Variants in LRRC37A2 observed in about 807,000 individuals in gnomAD.
LRRC37A2 encodes leucine-rich repeat-containing protein 37A2.
A neutral mutation model predicts 68.8 loss-of-function variants in LRRC37A2; 9 were observed. The ratio of observed to expected loss-of-function variants is 0.13; its 90% CI spans 0.08 to 0.23. The LOEUF is 0.23. LRRC37A2 is among the 10% of genes least tolerant of loss of function. LRRC37A2 has a pLI of 1.00. For synonymous variants in LRRC37A2, 63 were observed against 367.6 expected, an observed-to-expected ratio of 0.17 and a Z score of 9.48; for missense variants, 168 against 950.4, an observed-to-expected ratio of 0.18 and a Z score of 10.82.
At chr17:46,756,929 A>G in the LRRC37A2 span, 1 of 152,556 alleles carries the variant, frequency 6.6e-6, no homozygotes, top group African/African-American at 2.4e-5. Flanking sequence ...TTGTCTTACA[A>G]CTGACTGACT....
the LRRC37A2 span, among the ~76,000 whole-genome samples, chr17:46,822,771 G>C: frequency 1.3e-5 from 2 of 152,142 alleles, no homozygotes; most frequent in Non-Finnish European, 2.9e-5. Flanking sequence ...AGCGGGCCCA[G>C]GTGATGCCGG....
the LRRC37A2 span, among the ~76,000 whole-genome samples, chr17:46,856,057 T>A: frequency 6.6e-6 from 1 of 152,224 alleles, no homozygotes; most frequent in Admixed American, 6.5e-5. Flanking sequence ...TGCAAGTTTT[T>A]AAATCATAAT....
the LRRC37A2 span, among the ~76,000 whole-genome samples, chr17:47,039,288 C>T: frequency 8.1e-6 from 1 of 123,988 alleles, no homozygotes; most frequent in South Asian, 3.1e-4. Context: ...TCGTTGCAGC[C>T]TCCACTTCCC....
chr17:47,014,364 T>G, the LRRC37A2 span, among the ~76,000 whole-genome samples: 1 of 143,872 alleles, frequency 7.0e-6, no homozygotes, highest in Admixed American at 7.2e-5. Flanking sequence ...CACTCCAGCC[T>G]GGATGACAGA....
At chr17:46,867,045 A>G in the LRRC37A2 span, among the ~76,000 whole-genome samples, 1 of 152,184 alleles carries the variant, frequency 6.6e-6, no homozygotes. Flanking sequence ...TGGTACCAGG[A>G]GTTCTGATCT....
chr17:46,876,328 C>T, the LRRC37A2 span: 1 of 1,614,182 alleles, frequency 6.2e-7, no homozygotes. Context: ...GGAAGCAGCT[C>T]TCCCCGTTCC....
chr17:47,000,089 A>AAT, the LRRC37A2 span, among the ~76,000 whole-genome samples: 2 of 63,888 alleles, frequency 3.1e-5, no homozygotes, highest in African/African-American at 5.0e-5. Context: ...AATAAAATAA[A>AAT]ATAAAATAAA....
At chr17:46,468,211 TCAAA>T in the LRRC37A2 span, among the ~76,000 whole-genome samples, 1 of 75,170 alleles carries the variant, frequency 1.3e-5, no homozygotes, top group Non-Finnish European at 3.5e-5. Flanking sequence ...GATCATTTAA[TCAAA>T]CAGTGTTCGT....
chr17:46,851,317 G>A, the LRRC37A2 span, among the ~76,000 whole-genome samples: 7 of 151,866 alleles, frequency 4.6e-5, no homozygotes, highest in African/African-American at 7.2e-5. The surrounding 1 kb of genome is among the most constrained non-coding windows in gnomAD (Gnocchi z 4.3). Flanking sequence ...CAGGCCCGGG[G>A]GGCTTCACGT....
the LRRC37A2 span, among the ~76,000 whole-genome samples, chr17:46,799,810 A>G: frequency 6.6e-6 from 1 of 152,102 alleles, no homozygotes; most frequent in Non-Finnish European, 1.5e-5. Context: ...TTTTATTCCC[A>G]TTATACAGAG....
chr17:46,810,555 T>A, the LRRC37A2 span, among the ~76,000 whole-genome samples: 1 of 152,146 alleles, frequency 6.6e-6, no homozygotes, highest in East Asian at 1.9e-4. Flanking sequence ...CAGGTGGTCG[T>A]GTTATTATCA....
At chr17:46,723,840 T>C in the LRRC37A2 span, among the ~76,000 whole-genome samples, 3 of 152,250 alleles carry the variant, frequency 2.0e-5, no homozygotes, top group African/African-American at 7.2e-5. Context: ...TCCCCTCTAA[T>C]GCTTTTCTAT....
the LRRC37A2 span, among the ~76,000 whole-genome samples, chr17:46,703,680 CAAAAAAAAAAA>C: frequency 2.7e-5 from 1 of 37,726 alleles, no homozygotes; most frequent in East Asian, 8.6e-4. Flanking sequence ...GACTCCGTCT[CAAAAAAAAAAA>C]AAAAAAAAAA....
the LRRC37A2 span, among the ~76,000 whole-genome samples, chr17:46,792,736 C>T: frequency 1.8e-3 from 268 of 152,252 alleles, 1 homozygote; most frequent in African/African-American, 6.2e-3. Flanking sequence ...CCTCCCAAAG[C>T]GCTGGGACTA....
At chr17:46,810,632 G>T in the LRRC37A2 span, among the ~76,000 whole-genome samples, 1 of 152,138 alleles carries the variant, frequency 6.6e-6, no homozygotes, top group African/African-American at 2.4e-5. Flanking sequence ...ACAGCTCTTT[G>T]TGTGTAGAGT....
chr17:47,015,238 G>C, the LRRC37A2 span, among the ~76,000 whole-genome samples: 1 of 152,008 alleles, frequency 6.6e-6, no homozygotes, highest in Admixed American at 6.6e-5. Flanking sequence ...GAACTCCTGA[G>C]CTCAAGTGAT....
chr17:47,035,995 A>T, the LRRC37A2 span, among the ~76,000 whole-genome samples: 1 of 152,220 alleles, frequency 6.6e-6, no homozygotes, highest in Admixed American at 6.5e-5. Flanking sequence ...GCCTCTGCCC[A>T]TTTAAAAAAT....
the LRRC37A2 span, among the ~76,000 whole-genome samples, chr17:46,877,715 C>A: frequency 1.3e-5 from 2 of 152,168 alleles, no homozygotes; most frequent in Non-Finnish European, 1.5e-5. Context: ...GTCTGTGACA[C>A]CCCCATACCA....
chr17:46,732,784 A>C, the LRRC37A2 span, among the ~76,000 whole-genome samples: 1 of 152,210 alleles, frequency 6.6e-6, no homozygotes, highest in Non-Finnish European at 1.5e-5. Flanking sequence ...TGTGTTCTGC[A>C]GGAGAAGAGA....
Sources: gnomAD v4.1 joint callset for allele counts (sites outside exome capture counted in the v4.1 genomes callset) on GRCh38, gnomAD v4.1.1 for gene constraint, Gnocchi (gnomAD v3.1) non-coding constraint, MANE v1.5 for transcripts, NCBI Gene and HGNC (gene_info 2026-07-23, HGNC 2026-07-21) for gene names.